The following ARID5B variants were observed in gnomAD, a reference collection of about 807,000 sequenced individuals.
ARID5B encodes the protein AT-rich interactive domain-containing protein 5B.
A neutral mutation model predicts 97.2 loss-of-function variants in ARID5B; 13 were observed. The ratio of observed to expected loss-of-function variants is 0.13; its 90% confidence interval spans 0.09 to 0.21. The LOEUF is 0.21. ARID5B is among the 10% of genes least tolerant of loss of function. The probability of loss-of-function intolerance (pLI) is 1.00; values close to 1 mark genes in which losing one functional copy is unlikely to be tolerated. For synonymous variants in ARID5B, 556 were observed against 570.3 expected, an observed-to-expected ratio of 0.97 and a Z score of 0.36; for missense variants, 1,210 against 1,465.3, an observed-to-expected ratio of 0.83 and a Z score of 2.84.
chr10:61,992,994 C>G (rs910660383), intron 3 of ARID5B, among the ~76,000 whole-genome samples: 1 of 152,136 alleles, frequency 6.6e-6, no homozygotes, highest in African/African-American at 2.4e-5. Flanking sequence ...ATTTTCATTT[C>G]TATTCCGGAT....
intron 4 of ARID5B, among the ~76,000 whole-genome samples, chr10:62,006,474 A>G (rs1231907617): frequency 1.3e-5 from 2 of 152,124 alleles, no homozygotes; most frequent in East Asian, 3.9e-4. Flanking sequence ...CAACAAAATA[A>G]TGGTCTAACC....
chr10:61,979,403 T>C (rs1013066813), intron 3 of ARID5B, among the ~76,000 whole-genome samples: 3 of 152,214 alleles, frequency 2.0e-5, no homozygotes, highest in African/African-American at 7.2e-5. Context: ...GTGAGCCATG[T>C]AGATCGTAGG....
chr10:61,932,946 A>G (rs898761714), intron 2 of ARID5B, among the ~76,000 whole-genome samples: 1 of 152,158 alleles, frequency 6.6e-6, no homozygotes, highest in Non-Finnish European at 1.5e-5. Context: ...AAATTTAAAA[A>G]TTTAGCCAGG....
rs778821864 is a variant in ARID5B, at chr10:62,086,709, A to AAAAAAAAAAAAAAAAAAAAC, written c.1398+812_1398+813insAAAAAAAAAAAAAAAACAAA. ...CCATCTCAAAAAAAAAAAAAAAAAA[A>AAAAAAAAAAAAAAAAAAAAC]AAATATCAGGCATGGTGGTGCCCCG... is the stretch of plus-strand genomic sequence containing the variant. On this transcript the variant is annotated intron_variant, in intron 9 of 9. Coordinates refer to ENST00000279873, the MANE Select transcript of ARID5B (RefSeq NM_032199.3). Among the ~76,000 whole-genome samples the AAAAAAAAAAAAAAAAAAAAC allele has an allele frequency of 1.8e-5, 2 of 113,978 alleles. 1 individual carries two copies. The highest frequency in any genetic ancestry group is 6.4e-5 in the African/African-American group (2 of 31,174). The allele number at this position is 113,978 out of a possible 152,430, so 74.8% of individuals were successfully genotyped here. A position where few individuals can be genotyped will look rare whatever the true frequency, so the allele number is the denominator to read the frequency against.
At chr10:62,028,493 T>A (rs1012470476) in intron 4 of ARID5B, among the ~76,000 whole-genome samples, 1 of 152,166 alleles carries the variant, frequency 6.6e-6, no homozygotes, top group African/African-American at 2.4e-5. Flanking sequence ...AACAAGAAGA[T>A]GAACTCTGGA....
rs143127745 is a variant in ARID5B, at chr10:62,079,972, T to C, written c.1200-5730T>C. 2.0e-5 allele frequency among the ~76,000 whole-genome samples: 3 copies of C among 152,320 alleles called. No individual in the cohort carries two copies. In the East Asian group the frequency reaches 5.8e-4, roughly 29 times the overall value. ...TCTTAGCATAGAATACAGGTGATGC[T>C]AGTTATACCTACCTCATTTTTAAAG... is the stretch of plus-strand genomic sequence containing the variant. On this transcript the variant is annotated intron_variant, in intron 8 of 9. Coordinates refer to ENST00000279873, the MANE Select transcript of ARID5B (RefSeq NM_032199.3).
intron 4 of ARID5B, among the ~76,000 whole-genome samples, chr10:62,012,538 T>TA (rs1414574975): frequency 6.6e-6 from 1 of 152,036 alleles, no homozygotes; most frequent in Non-Finnish European, 1.5e-5. Context: ...CTGTCTCTAT[T>TA]AAAAAACAAA....
chr10:61,901,973 GTTTT>G (rs371641779), intron 1 of ARID5B, among the ~76,000 whole-genome samples, 182 bp from the exon 2 acceptor site: 46 of 131,588 alleles, frequency 3.5e-4, no homozygotes, highest in South Asian at 2.0e-3. Flanking sequence ...GGGGCCCTGA[GTTTT>G]TTTTTTTTTT....
chr10:61,962,933 GT>G (rs747975891), intron 3 of ARID5B, among the ~76,000 whole-genome samples: 5 of 152,172 alleles, frequency 3.3e-5, no homozygotes, highest in Admixed American at 3.3e-4. Context: ...AACTGCAGTG[GT>G]TTTTAATGTT....
chr10:61,976,560 A>C (rs1244465174), intron 3 of ARID5B, among the ~76,000 whole-genome samples: 1 of 152,208 alleles, frequency 6.6e-6, no homozygotes, highest in Non-Finnish European at 1.5e-5. Flanking sequence ...CTGTTGAAAC[A>C]TCGAAGTGGT....
chr10:61,941,303 T>G (rs1443162806), intron 3 of ARID5B, among the ~76,000 whole-genome samples: 1 of 151,768 alleles, frequency 6.6e-6, no homozygotes, highest in African/African-American at 2.4e-5. Flanking sequence ...ATTGCTTTTT[T>G]TTTTTCTTCT....
intron 2 of ARID5B, among the ~76,000 whole-genome samples, chr10:61,913,965 G>A (rs984791550): frequency 6.6e-6 from 1 of 152,152 alleles, no homozygotes; most frequent in Non-Finnish European, 1.5e-5. Context: ...TGGCGAGGCT[G>A]GTCTTGAACT....
intron 3 of ARID5B, among the ~76,000 whole-genome samples, chr10:61,972,313 C>T (rs955929764): frequency 1.6e-4 from 24 of 150,982 alleles, no homozygotes; most frequent in Non-Finnish European, 3.1e-4. Flanking sequence ...CTGCAACCTC[C>T]GCCTCCCAGG....
intron 3 of ARID5B, among the ~76,000 whole-genome samples, chr10:61,982,857 A>G (rs1390189149): frequency 2.0e-5 from 3 of 152,206 alleles, no homozygotes; most frequent in Non-Finnish European, 4.4e-5. Context: ...ACACGGACCA[A>G]CTTGCAATAA....
intron 2 of ARID5B, among the ~76,000 whole-genome samples, chr10:61,907,453 C>T (rs1843726150): frequency 6.6e-6 from 1 of 152,198 alleles, no homozygotes; most frequent in Non-Finnish European, 1.5e-5. Context: ...TCTGTTTCTT[C>T]CTCTGTAAAA....
intron 2 of ARID5B, among the ~76,000 whole-genome samples, chr10:61,918,762 G>A (rs1843954065): frequency 6.6e-6 from 1 of 152,136 alleles, no homozygotes; most frequent in South Asian, 2.1e-4. Context: ...GCCAGGCACG[G>A]TGACTCATGC....
At chr10:62,082,513 A>T (rs1016317089) in intron 8 of ARID5B, among the ~76,000 whole-genome samples, 7 of 152,336 alleles carry the variant, frequency 4.6e-5, no homozygotes, top group African/African-American at 1.4e-4. Flanking sequence ...TTATCTGTAC[A>T]GTTTAGAAAC....
intron 8 of ARID5B, among the ~76,000 whole-genome samples, chr10:62,070,287 C>T (rs1199136359): frequency 6.6e-6 from 1 of 152,196 alleles, no homozygotes; most frequent in Non-Finnish European, 1.5e-5. Context: ...TTACCAAGCT[C>T]TGTGTGGCTT....
intron 3 of ARID5B, among the ~76,000 whole-genome samples, chr10:61,979,196 A>G (rs538732615): frequency 6.6e-6 from 1 of 152,332 alleles, no homozygotes; most frequent in South Asian, 2.1e-4. Flanking sequence ...TTTGCAAGCC[A>G]TCTGAGTTCC....
Sources: gnomAD v4.1 joint callset for allele counts (sites outside exome capture counted in the v4.1 genomes callset) on GRCh38, gnomAD v4.1.1 for gene constraint, MANE v1.5 for transcripts, NCBI Gene and HGNC (gene_info 2026-07-23, HGNC 2026-07-21) for gene names.